The following SAMHD1 variants were observed in gnomAD, a reference collection of about 807,000 sequenced individuals.
SAMHD1 encodes the protein deoxynucleoside triphosphate triphosphohydrolase SAMHD1.
SAMHD1 carries 54 observed loss-of-function variants against 79.6 expected under a neutral mutation model. The observed-to-expected ratio is 0.68, with a 90% CI of 0.55 to 0.85. The LOEUF (loss-of-function observed/expected upper bound fraction) is 0.85, where lower values mean the gene tolerates loss of function less well. Ranked by LOEUF, SAMHD1 falls within the 40% of genes least tolerant of loss-of-function variation. The pLI, the probability that SAMHD1 is intolerant of heterozygous loss-of-function variation, is 0.00. For missense variants in SAMHD1, 663 were observed against 782.7 expected (o/e 0.85, Z 1.82); for synonymous variants, 260 against 264.1 (o/e 0.98, Z 0.15).
intron 9 of SAMHD1, 132 bp downstream of exon 9, chr20:36,916,590 G>T: frequency 1.3e-6 from 1 of 765,024 alleles, no homozygotes; most frequent in East Asian, 2.5e-5. Context: ...AGAGACTAAA[G>T]ATATTTACAA....
chr20:36,892,780 C>A lies in SAMHD1; in HGVS notation c.*152G>T, dbSNP rs1990107287. 2 of 971,672 alleles carry A rather than the reference C, an allele frequency of 2.1e-6. No homozygotes were observed. Among genetic ancestry groups the A allele is most frequent in the East Asian group, 2.5e-5 (1 of 40,512 alleles). The allele number at this position is 971,672 out of a possible 1,614,324, so 60.2% of individuals were successfully genotyped here. ...AGATTTGCCTAATACCATCTTATTT[C>A]TTTGATTAAAAGTTACTTAGCTTCA... is the stretch of plus-strand genomic sequence containing the variant. On this transcript the variant is annotated 3_prime_UTR_variant, in exon 16 of 16. Coordinates refer to ENST00000646673, the MANE Select transcript of SAMHD1 (RefSeq NM_015474.4).
In SAMHD1 at chr20:36,933,913, G is replaced by C. The variant is rs528618334; in HGVS notation, c.509+1116C>G. On this transcript the variant is annotated intron_variant, in intron 4 of 15. Transcript: ENST00000646673. ...ATACAAAAATTAGCCAGGCGTGGTG[G>C]TGGGCACCTGTAATCCCAGCTACTT... 1.9e-3 allele frequency among the ~76,000 whole-genome samples: 286 copies of C among 152,024 alleles called. 1 individual carries two copies. Among genetic ancestry groups the C allele is most frequent in the African/African-American group, 6.4e-3 (266 of 41,534 alleles).
At chr20:36,893,940 G>C in intron 15 of SAMHD1, 1 of 398,638 alleles carries the variant, frequency 2.5e-6, no homozygotes, top group Non-Finnish European at 4.4e-6. Flanking sequence ...CTGGAGGTGA[G>C]AAGAGGGCAG....
At chr20:36,915,903 T>C (rs1448055803) in intron 9 of SAMHD1, among the ~76,000 whole-genome samples, 1 of 152,128 alleles carries the variant, frequency 6.6e-6, no homozygotes, top group Non-Finnish European at 1.5e-5. Flanking sequence ...CTCATGCCTG[T>C]AATCCCAGCA....
At chr20:36,940,998 A>C in intron 3 of SAMHD1, 41 bp downstream of exon 3, 1 of 1,425,484 alleles carries the variant, frequency 7.0e-7, no homozygotes, top group Non-Finnish European at 9.9e-7. Flanking sequence ...GAGTTATATC[A>C]CTTTATATTC....
chr20:36,934,999 T>C, intron 4 of SAMHD1, 30 bp downstream of exon 4: 1 of 1,610,080 alleles, frequency 6.2e-7, no homozygotes. Context: ...ACTTAAAAAC[T>C]GCAAGTTCCC....
chr20:36,939,387 G>C (rs146645036), intron 3 of SAMHD1, among the ~76,000 whole-genome samples: 1 of 152,146 alleles, frequency 6.6e-6, no homozygotes, highest in East Asian at 1.9e-4. Context: ...GAGGTCAGGA[G>C]TTCGAGACCA....
At chr20:36,940,853 A>C (rs2063638671) in intron 3 of SAMHD1, 186 bp downstream of exon 3, 4 of 613,478 alleles carry the variant, frequency 6.5e-6, no homozygotes, top group South Asian at 5.9e-5. Context: ...AACATATTTT[A>C]GTTCTTCTTC....
intron 12 of SAMHD1, chr20:36,905,072 A>G: frequency 2.5e-6 from 1 of 393,702 alleles, no homozygotes. Context: ...AATCTAGCCA[A>G]AATTGGAGAC....
In SAMHD1 at chr20:36,894,493, G is replaced by A. The variant is rs543887331; in HGVS notation, c.1747-1427C>T. 6.7e-5 allele frequency among the ~76,000 whole-genome samples: 10 copies of A among 150,246 alleles called. No individual in the cohort carries two copies. In the East Asian group the frequency reaches 9.7e-4, roughly 15 times the overall value. ...GTAAAGGCAATCATTTAGGCCAGGC[G>A]TGGTGGTTCATGCCTGTAATCCCAA... On this transcript the variant is annotated intron_variant, in intron 15 of 15. Coordinates refer to ENST00000646673, the MANE Select transcript of SAMHD1 (RefSeq NM_015474.4).
At chr20:36,930,403 C>T (rs1466211988) in intron 5 of SAMHD1, among the ~76,000 whole-genome samples, 2 of 151,488 alleles carry the variant, frequency 1.3e-5, no homozygotes, top group South Asian at 2.1e-4. Flanking sequence ...GGCTGAGGCA[C>T]GAGAATTGCT....
chr20:36,918,801 C>CAAAAAAAAAAAAAAAAAA (rs60403097), intron 7 of SAMHD1, among the ~76,000 whole-genome samples: 1 of 65,462 alleles, frequency 1.5e-5, no homozygotes, highest in Admixed American at 2.2e-4. Context: ...GACTCTATCT[C>CAAAAAAAAAAAAAAAAAA]AAAAAAAAAA....
chr20:36,931,594 G>A (rs2063568238), intron 4 of SAMHD1, among the ~76,000 whole-genome samples: 1 of 151,994 alleles, frequency 6.6e-6, no homozygotes, highest in Admixed American at 6.6e-5. Context: ...CCGAGATCTT[G>A]CCATTGCACT....
intron 7 of SAMHD1, among the ~76,000 whole-genome samples, chr20:36,917,646 G>A (rs191606187): frequency 2.3e-3 from 356 of 151,968 alleles, no homozygotes; most frequent in African/African-American, 6.2e-3. Flanking sequence ...GCAAGACACC[G>A]TCTCAAAAAT....
Position 36,916,989 on chromosome 20 carries a change from T to C in SAMHD1, c.913A>G (p.Arg305Gly). 1 of 1,614,046 alleles carries C rather than the reference T, an allele frequency of 6.2e-7. No individual in the cohort carries two copies. Reference protein sequence around the residue: ...SFLYEIVSNKRNGIDVDKWDY... With the variant: ...SFLYEIVSNKGNGIDVDKWDY... ...CATTTGTCCACATCAATGCCATTTC[T>C]TTTATTAGATACTATCTCATAAAGG... Residue 305 changes from arginine (R) to glycine (G), a missense_variant, in exon 8 of 16, where the codon AGA becomes GGA. Arg to Gly is a moderately radical substitution (Grantham distance 125). Coordinates refer to ENST00000646673, the MANE Select transcript of SAMHD1 (RefSeq NM_015474.4).
chr20:36,922,276 A>C (rs1417787481), intron 6 of SAMHD1, among the ~76,000 whole-genome samples: 2 of 152,234 alleles, frequency 1.3e-5, no homozygotes, highest in African/African-American at 4.8e-5. Flanking sequence ...ATTAGATAAG[A>C]GTACTGCATC....
In SAMHD1 at chr20:36,936,218, C is replaced by T. The variant is rs536619831; in HGVS notation, c.349-1029G>A. Among the ~76,000 whole-genome samples, 24 of 151,770 alleles carry T rather than the reference C, an allele frequency of 1.6e-4. No homozygotes were observed. In the South Asian group the frequency reaches 2.3e-3, roughly 15 times the overall value. On this transcript the variant is annotated intron_variant, in intron 3 of 15. Coordinates refer to ENST00000646673, the MANE Select transcript of SAMHD1 (RefSeq NM_015474.4). ...TTGTGCCACAACACTTCAGCCTGGGCGACAGAGAGAAACTCTGTCTCAAAA... is the reference window on the plus strand; with the variant it reads ...TTGTGCCACAACACTTCAGCCTGGGTGACAGAGAGAAACTCTGTCTCAAAA...
chr20:36,928,469 G>A (rs1452395650), intron 5 of SAMHD1, among the ~76,000 whole-genome samples: 3 of 150,452 alleles, frequency 2.0e-5, no homozygotes, highest in Non-Finnish European at 1.5e-5. Flanking sequence ...GGTAGATCAC[G>A]AGGTCAGGAG....
intron 2 of SAMHD1, among the ~76,000 whole-genome samples, chr20:36,942,453 T>G (rs2063652486): frequency 6.6e-6 from 1 of 151,958 alleles, no homozygotes; most frequent in African/African-American, 2.4e-5. Context: ...AATCACTGAT[T>G]AGAGTATATA....
Sources: gnomAD v4.1 joint callset for allele counts (sites outside exome capture counted in the v4.1 genomes callset) on GRCh38, gnomAD v4.1.1 for gene constraint, MANE v1.5 for transcripts, NCBI Gene and HGNC (gene_info 2026-07-23, HGNC 2026-07-21) for gene names.